The following IKBIP variants were observed in gnomAD, a reference collection of about 807,000 sequenced individuals.
The protein encoded by IKBIP is inhibitor of nuclear factor kappa-B kinase-interacting protein.
A neutral mutation model predicts 31.0 loss-of-function variants in IKBIP; 28 were observed. That is an observed-to-expected ratio of 0.90 (90% CI 0.67 to 1.24). IKBIP has a LOEUF of 1.24. Among genes scored for constraint, IKBIP ranks in the 50% most tolerant of loss-of-function variants. The probability of loss-of-function intolerance (pLI) is 0.00; values close to 1 mark genes in which losing one functional copy is unlikely to be tolerated. For synonymous variants in IKBIP, 164 were observed against 160.3 expected (o/e 1.02, Z -0.17); for missense variants, 453 against 441.9 (o/e 1.03, Z -0.23).
Position 98,626,182 on chromosome 12 carries a change from TTC to T in IKBIP, c.880_881del (p.Glu294LysfsTer12), listed in dbSNP as rs1233829351. On this transcript the variant is annotated frameshift_variant, in exon 3 of 3. Coordinates refer to ENST00000299157, the MANE Select transcript of IKBIP (RefSeq NM_153687.4). LOFTEE classifies it high-confidence loss of function. Reference sequence around the variant, plus strand: ...GCATAGTCAAGTCTTCCATTTTCTTTTCTGTTTCTATCAGATCCTGAGAGACT... The same window carrying T: ...GCATAGTCAAGTCTTCCATTTTCTTTTGTTTCTATCAGATCCTGAGAGACT... The part of the protein sequence containing the change: ...LRVSQDLIET[E>X]KKMEDLTMQM... 1 of 1,613,826 alleles carries T rather than the reference TTC, an allele frequency of 6.2e-7. No individual in the cohort carries two copies. Among genetic ancestry groups the T allele is most frequent in the Admixed American group, 1.7e-5 (1 of 60,012 alleles).
At chr12:98,628,041 C>G (rs911704968) in intron 2 of IKBIP, among the ~76,000 whole-genome samples, 5 of 151,998 alleles carry the variant, frequency 3.3e-5, no homozygotes, top group Admixed American at 2.6e-4. Flanking sequence ...TCATTGACCT[C>G]TTTTAGTCTA....
intron 2 of IKBIP, among the ~76,000 whole-genome samples, chr12:98,618,360 C>T (rs566722632): frequency 6.7e-6 from 1 of 148,604 alleles, no homozygotes; most frequent in African/African-American, 2.5e-5. Context: ...GGCGCGGTGG[C>T]TCACGCCTGT....
At chr12:98,632,512 AATATATATATATAT>A (rs71436924) in intron 2 of IKBIP, among the ~76,000 whole-genome samples, 675 of 22,798 alleles carry the variant, frequency 0.03, 23 homozygotes, top group South Asian at 0.049. Context: ...AAAAAAAAAA[AATATATATATATAT>A]ATATATATAT....
chr12:98,635,436 T>C (rs961387966), intron 1 of IKBIP, among the ~76,000 whole-genome samples: 3 of 152,238 alleles, frequency 2.0e-5, no homozygotes, highest in African/African-American at 7.2e-5. Context: ...GATTTTCATG[T>C]GGTAGGTACT....
At position 98,626,294 on chromosome 12, in the gene IKBIP, T is replaced by G; in HGVS notation, c.770A>C (p.Asn257Thr). The G allele has an allele frequency of 6.2e-7, 1 of 1,614,202 alleles. No homozygotes were observed. Among genetic ancestry groups the G allele is most frequent in the African/African-American group, 1.3e-5 (1 of 75,066 alleles). ...ALFARDEDLT[N>T]KLSDYEPKVE... ...TTTGGGTTCGTAGTCGGAAAGTTTA[T>G]TAGTCAGATCTTCATCTCTGGCAAA... Residue 257 changes from asparagine to threonine, a missense_variant, in exon 3 of 3, where the codon AAT becomes ACT. Physicochemically the swap from Asn to Thr is moderately conservative, Grantham distance 65. Transcript: ENST00000299157.
chr12:98,629,287 T>A (rs1273086023), intron 2 of IKBIP, among the ~76,000 whole-genome samples: 1 of 152,100 alleles, frequency 6.6e-6, no homozygotes, highest in East Asian at 1.9e-4. Context: ...TACGCCTTAA[T>A]CCCAACATGT....
exon 3 of IKBIP, chr12:98,613,755 C>G (rs1446981085): frequency 4.3e-6 from 7 of 1,612,432 alleles, no homozygotes; most frequent in Non-Finnish European, 5.9e-6. Flanking sequence ...ACTAATGGTT[C>G]TAAACGGGAA....
intron 1 of IKBIP, among the ~76,000 whole-genome samples, chr12:98,638,592 T>C (rs1174633582): frequency 6.6e-6 from 1 of 150,532 alleles, no homozygotes. Context: ...CATAGGGTTG[T>C]AGTTTGTTTT....
In IKBIP at chr12:98,634,379, C is replaced by T. The variant is rs932111709; in HGVS notation, c.214G>A (p.Val72Met). ...TTCAGTAACTGGTATTGGTTTTCCA[C>T]CTTTGCAAATTTTTCTGACTGCTGA... The part of the protein sequence containing the change: ...VFQQSEKFAK[V>M]ENQYQLLKLE... Residue 72 changes from valine (V) to methionine (M), a missense_variant, in exon 2 of 3, where the codon GTG (valine) becomes ATG (methionine). Coordinates refer to ENST00000299157, the MANE Select transcript of IKBIP (RefSeq NM_153687.4). The T allele has an allele frequency of 6.2e-7, 1 of 1,603,060 alleles. No homozygotes were observed. Among genetic ancestry groups the T allele is most frequent in the Non-Finnish European group, 8.5e-7 (1 of 1,171,472 alleles).
At chr12:98,622,411 A>G (rs2097610840), downstream of IKBIP, among the ~76,000 whole-genome samples, 1 of 152,104 alleles carries the variant, frequency 6.6e-6, no homozygotes, top group South Asian at 2.1e-4. Context: ...AGTCCCAGCA[A>G]TCGGAGGAGC....
exon 3 of IKBIP, chr12:98,613,727 C>T (rs753972521): frequency 1.6e-5 from 26 of 1,612,708 alleles, no homozygotes; most frequent in South Asian, 5.5e-5. Context: ...TCTCCCAATG[C>T]GTAGTGTTAA....
chr12:98,638,216 G>A (rs939012332), intron 1 of IKBIP, among the ~76,000 whole-genome samples: 2 of 152,204 alleles, frequency 1.3e-5, no homozygotes, highest in African/African-American at 4.8e-5. Context: ...CATTTACTAA[G>A]CTGTATAACC....
chr12:98,633,124 CT>C (rs1339206623), intron 2 of IKBIP, among the ~76,000 whole-genome samples: 3 of 152,152 alleles, frequency 2.0e-5, no homozygotes, highest in Non-Finnish European at 4.4e-5. Flanking sequence ...TCCATTTCAT[CT>C]CTATTTTTAC....
intron 1 of IKBIP, among the ~76,000 whole-genome samples, chr12:98,639,041 C>CT (rs1204852968): frequency 1.3e-5 from 2 of 151,900 alleles, no homozygotes; most frequent in East Asian, 1.9e-4. Context: ...ACTGTGGCCC[C>CT]TTTTTTTTCT....
At chr12:98,619,651 G>GC (rs1051220183), downstream of IKBIP, among the ~76,000 whole-genome samples, 1 of 152,044 alleles carries the variant, frequency 6.6e-6, no homozygotes, top group African/African-American at 2.4e-5. Context: ...GGTGGCTCAC[G>GC]CCCGTAATCC....
Position 98,626,764 on chromosome 12 carries a change from A to C in IKBIP, c.300T>G (p.Leu100=). 1.6e-5 allele frequency: 25 copies of C among 1,590,182 alleles called. No individual in the cohort carries two copies. Among genetic ancestry groups the C allele is most frequent in the Non-Finnish European group, 2.1e-5 (25 of 1,168,390 alleles). The change falls in exon 3 of 3, where the codon CTT becomes CTG. Residue 100 remains leucine, a splice_region_variant and synonymous_variant. Transcript: ENST00000299157. ...CCTGCAGGATGCTTTCAGTAGACTC[A>C]AGCTGCATTTATAACACAAAACAAT... ...QSKISLISEK[L]ESTESILQEA...
intron 2 of IKBIP, 132 bp from the exon 3 acceptor site, chr12:98,626,898 T>C (rs762795693): frequency 3.2e-6 from 2 of 630,288 alleles, no homozygotes; most frequent in Non-Finnish European, 5.4e-6. Context: ...TCCAAGTATA[T>C]CAGAATCAGA....
intron 1 of IKBIP, among the ~76,000 whole-genome samples, chr12:98,640,755 C>T (rs1004883352): frequency 2.0e-5 from 3 of 151,688 alleles, no homozygotes; most frequent in Non-Finnish European, 4.4e-5. Flanking sequence ...GTCAAGATGA[C>T]ATAGGATATA....
At chr12:98,644,450 G>A (rs2097635891) in intron 1 of IKBIP, 73 bp downstream of exon 1, 3 of 1,432,284 alleles carry the variant, frequency 2.1e-6, no homozygotes, top group East Asian at 5.1e-5. Flanking sequence ...CCGGCTGGAT[G>A]TTGAGCCGGG....
Sources: allele counts gnomAD v4.1 joint callset (sites outside exome capture counted in the v4.1 genomes callset), GRCh38; gene constraint gnomAD v4.1.1; transcripts MANE v1.5; gene names NCBI Gene and HGNC (gene_info 2026-07-23, HGNC 2026-07-21).